ATOSA: variants seen among roughly 807,000 people sequenced by gnomAD.
ATOSA encodes atos homolog protein A.
the ATOSA span, among the ~76,000 whole-genome samples, chr15:52,584,137 T>A: frequency 6.8e-6 from 1 of 146,122 alleles, no homozygotes; most frequent in African/African-American, 2.5e-5. Flanking sequence ...TTTATATGGC[T>A]CATATTACTT....
the ATOSA span, among the ~76,000 whole-genome samples, chr15:52,702,289 C>T: frequency 3.9e-5 from 6 of 152,106 alleles, no homozygotes; most frequent in Non-Finnish European, 8.8e-5. Context: ...AATCTTCCTA[C>T]CAAAAAGACA....
the ATOSA span, among the ~76,000 whole-genome samples, chr15:52,695,627 AT>A: frequency 6.6e-6 from 1 of 152,218 alleles, no homozygotes; most frequent in Non-Finnish European, 1.5e-5. Context: ...AGGGACTCAT[AT>A]TTGCCATGTG....
chr15:52,643,610 C>G, the ATOSA span, among the ~76,000 whole-genome samples: 1 of 147,232 alleles, frequency 6.8e-6, no homozygotes, highest in Non-Finnish European at 1.5e-5. Context: ...TTTTTTGGAA[C>G]TAACTTTTTA....
At chr15:52,664,798 C>G in the ATOSA span, among the ~76,000 whole-genome samples, 1 of 152,048 alleles carries the variant, frequency 6.6e-6, no homozygotes, top group Non-Finnish European at 1.5e-5. Flanking sequence ...GTTACCTGGG[C>G]AGGGTGGTGT....
chr15:52,672,337 A>C, the ATOSA span, among the ~76,000 whole-genome samples: 1 of 152,054 alleles, frequency 6.6e-6, no homozygotes, highest in Non-Finnish European at 1.5e-5. Context: ...TGACACAGTA[A>C]GACCCCATCC....
At chr15:52,633,132 T>C in the ATOSA span, among the ~76,000 whole-genome samples, 1 of 152,218 alleles carries the variant, frequency 6.6e-6, no homozygotes, top group African/African-American at 2.4e-5. Context: ...AGGTTGGGCC[T>C]GTATACATAG....
the ATOSA span, among the ~76,000 whole-genome samples, chr15:52,664,498 C>T: frequency 3.3e-5 from 5 of 152,134 alleles, no homozygotes; most frequent in African/African-American, 9.7e-5. Flanking sequence ...TACAGATTTC[C>T]GGGCAATTAA....
the ATOSA span, among the ~76,000 whole-genome samples, chr15:52,669,884 C>A: frequency 6.6e-6 from 1 of 152,198 alleles, no homozygotes; most frequent in East Asian, 1.9e-4. Context: ...AGCACTGAAT[C>A]AATCCTAGGT....
At chr15:52,617,971 T>C in the ATOSA span, among the ~76,000 whole-genome samples, 1 of 152,034 alleles carries the variant, frequency 6.6e-6, no homozygotes, top group Non-Finnish European at 1.5e-5. Flanking sequence ...AACCAGAGCA[T>C]TAATGTATAT....
the ATOSA span, among the ~76,000 whole-genome samples, chr15:52,661,575 CA>C: frequency 6.6e-6 from 1 of 152,270 alleles, no homozygotes; most frequent in East Asian, 1.9e-4. Flanking sequence ...TTCAGAATAA[CA>C]AAATTATTTT....
chr15:52,683,475 G>A, the ATOSA span, among the ~76,000 whole-genome samples: 1 of 152,162 alleles, frequency 6.6e-6, no homozygotes. Context: ...TAGGCTTAGT[G>A]CTTTAAGATA....
the ATOSA span, among the ~76,000 whole-genome samples, chr15:52,662,678 G>A: frequency 2.6e-5 from 4 of 151,444 alleles, no homozygotes; most frequent in African/African-American, 4.9e-5. Context: ...GCTGAGGCAG[G>A]AGAATGGCGT....
chr15:52,646,275 C>G, the ATOSA span, among the ~76,000 whole-genome samples: 1 of 152,178 alleles, frequency 6.6e-6, no homozygotes, highest in Non-Finnish European at 1.5e-5. Context: ...TGGGCACACA[C>G]AGATCAGTTC....
At chr15:52,593,889 C>T in the ATOSA span, among the ~76,000 whole-genome samples, 20 of 152,220 alleles carry the variant, frequency 1.3e-4, no homozygotes, top group African/African-American at 4.8e-4. Flanking sequence ...GTGGTTGTTA[C>T]CATTGCCATG....
chr15:52,705,700 C>T, the ATOSA span, among the ~76,000 whole-genome samples: 2 of 152,112 alleles, frequency 1.3e-5, no homozygotes, highest in African/African-American at 2.4e-5. Context: ...CATAGATTCC[C>T]AGCACCAGAA....
the ATOSA span, chr15:52,601,218 T>C: frequency 1.7e-6 from 2 of 1,158,030 alleles, no homozygotes; most frequent in Non-Finnish European, 2.4e-6. Context: ...TTAATTTTTT[T>C]CTTGAATTGA....
the ATOSA span, chr15:52,611,904 C>T: frequency 9.7e-6 from 8 of 826,176 alleles, no homozygotes; most frequent in Admixed American, 2.7e-5. Context: ...GAGCTTTGCT[C>T]AGAATTGGCT....
the ATOSA span, among the ~76,000 whole-genome samples, chr15:52,704,275 A>C: frequency 6.6e-6 from 1 of 152,170 alleles, no homozygotes; most frequent in African/African-American, 2.4e-5. Context: ...TTATTTAATA[A>C]ATGGCACTGG....
At chr15:52,605,065 T>G in the ATOSA span, 2 of 1,027,134 alleles carry the variant, frequency 1.9e-6, no homozygotes, top group Non-Finnish European at 2.8e-6. Context: ...AAAATTTGAA[T>G]GAAATTATTT....
Sources: allele counts gnomAD v4.1 joint callset (sites outside exome capture counted in the v4.1 genomes callset), GRCh38; gene constraint gnomAD v4.1.1; transcripts MANE v1.5; gene names NCBI Gene and HGNC (gene_info 2026-07-23, HGNC 2026-07-21).